Variants in EDA observed in about 807,000 individuals in gnomAD.
EDA encodes ectodysplasin A, also known as ectodysplasin-A.
EDA carries 2 observed loss-of-function variants against 23.6 expected under a neutral mutation model. That is an observed-to-expected ratio of 0.08 (90% confidence interval 0.03 to 0.27). EDA has a LOEUF of 0.27. Among genes scored for constraint, EDA ranks in the 10% least tolerant of loss-of-function variants. The pLI is 1.00. For synonymous variants in EDA, 131 were observed against 132.0 expected, an observed-to-expected ratio of 0.99 and a Z score of 0.05; for missense variants, 229 against 324.2, an observed-to-expected ratio of 0.71 and a Z score of 2.26.
intron 1 of EDA, chrX:69,616,927 T>G (rs1481410269): frequency 2.0e-5 from 9 of 460,154 alleles, no homozygotes; most frequent in Non-Finnish European, 2.9e-5. Flanking sequence ...TTGGAAAGTC[T>G]CGCGCGCGCC....
chrX:69,623,706 A>C, intron 1 of EDA, among the ~76,000 whole-genome samples: 1 of 75,500 alleles, frequency 1.3e-5, no homozygotes, highest in Non-Finnish European at 2.6e-5. Context: ...TACATACTTT[A>C]TTTTCAAAAA....
chrX:69,664,047 TG>T (rs1933599702), intron 1 of EDA, among the ~76,000 whole-genome samples: 1 of 112,228 alleles, frequency 8.9e-6, no homozygotes, highest in South Asian at 3.7e-4. Context: ...AAAAGGGACT[TG>T]CCTTGTGTCA....
At chrX:69,786,332 G>T (rs1206529781) in intron 1 of EDA, among the ~76,000 whole-genome samples, 3 of 108,117 alleles carry the variant, frequency 2.8e-5, no homozygotes, top group African/African-American at 1.0e-4. Context: ...CCTTCTGCTA[G>T]CTTTTGAATG....
rs1282313189 is a variant in EDA, at chrX:69,942,006, A to G, written c.397-15021A>G. On this transcript the variant is annotated intron_variant, in intron 1 of 7. Transcript: ENST00000374552. ...ATAATATCTTATAACCATTTATTTTAAACTGATGGCAACTTAACAATGATT... is the reference window on the plus strand; with the variant it reads ...ATAATATCTTATAACCATTTATTTTGAACTGATGGCAACTTAACAATGATT... Among the ~76,000 whole-genome samples, 2 of 111,474 alleles carry G rather than the reference A, an allele frequency of 1.8e-5. 1 individual carries two copies. The highest frequency in any genetic ancestry group is 3.8e-5 in the Non-Finnish European group (2 of 52,958).
chrX:69,752,669 T>A (rs1324367744), intron 1 of EDA, among the ~76,000 whole-genome samples: 1 of 112,205 alleles, frequency 8.9e-6, no homozygotes, highest in Admixed American at 9.4e-5. Flanking sequence ...CTCCTCTTTG[T>A]ACCTCTGGTA....
chrX:69,883,582 T>G (rs1319579505), intron 1 of EDA, among the ~76,000 whole-genome samples: 1 of 111,888 alleles, frequency 8.9e-6, no homozygotes, highest in Non-Finnish European at 1.9e-5. Flanking sequence ...TGATGGCCAG[T>G]GACTCCCAAT....
intron 1 of EDA, among the ~76,000 whole-genome samples, chrX:69,687,221 G>T (rs763000138): frequency 9.1e-6 from 1 of 109,944 alleles, no homozygotes; most frequent in South Asian, 3.8e-4. Context: ...ATCCTTTGGA[G>T]AAATGTATAT....
intron 1 of EDA, among the ~76,000 whole-genome samples, chrX:69,777,220 A>T (rs1208276682): frequency 9.1e-6 from 1 of 109,684 alleles, no homozygotes; most frequent in East Asian, 2.9e-4. Context: ...GAGGTTAAAC[A>T]TGCTGGTTTG....
chrX:69,949,237 A>G (rs2018878323), intron 1 of EDA, among the ~76,000 whole-genome samples: 1 of 112,324 alleles, frequency 8.9e-6, no homozygotes, highest in African/African-American at 3.2e-5. Flanking sequence ...TCATAAATAC[A>G]TTAACTCTGG....
intron 1 of EDA, among the ~76,000 whole-genome samples, chrX:69,682,530 GT>G (rs1037698756): frequency 3.6e-5 from 4 of 112,305 alleles, no homozygotes; most frequent in Admixed American, 2.8e-4. Context: ...CTCGTGCGCC[GT>G]TTTTTAAGCC....
chrX:69,652,936 G>C (rs1933152123), intron 1 of EDA, among the ~76,000 whole-genome samples: 1 of 111,485 alleles, frequency 9.0e-6, no homozygotes, highest in Admixed American at 9.6e-5. Context: ...TGTTCTTTTG[G>C]CTTAGGATTG....
At position 70,037,188 on chromosome X, in the gene EDA, G is replaced by A. The variant is rs748015519; in HGVS notation, c.*1579G>A. ...ATGTGTTTCCTTTTCAGGAGATGGG[G>A]AATAATTTCCTTCAGGCAGCTGAAA... On this transcript the variant is annotated 3_prime_UTR_variant, in exon 8 of 8. Coordinates refer to ENST00000374552, the MANE Select transcript of EDA (RefSeq NM_001399.5). The A allele has an allele frequency of 1.8e-5, 2 of 112,563 alleles. No homozygotes were observed. Among genetic ancestry groups the A allele is most frequent in the Admixed American group, 9.4e-5 (1 of 10,661 alleles). The allele number at this position is 112,563 out of a possible 1,213,427, so 9.3% of individuals were successfully genotyped here. A position where few individuals can be genotyped will look rare whatever the true frequency, so the allele number is the denominator to read the frequency against.
At chrX:69,954,221 T>G (rs1264164845) in intron 1 of EDA, among the ~76,000 whole-genome samples, 1 of 111,574 alleles carries the variant, frequency 9.0e-6, no homozygotes, top group East Asian at 2.8e-4. Flanking sequence ...AAGCTACTTA[T>G]AGTTCCAAAA....
At chrX:69,999,088 A>T (rs752863940) in intron 2 of EDA, among the ~76,000 whole-genome samples, 2 of 111,755 alleles carry the variant, frequency 1.8e-5, no homozygotes, top group South Asian at 7.6e-4. Flanking sequence ...TCTAGAGACA[A>T]TAACATTGGT....
At position 69,773,975 on chromosome X, in the gene EDA, A is replaced by G. The variant is rs183295330; in HGVS notation, c.396+157271A>G. Among the ~76,000 whole-genome samples the G allele has an allele frequency of 4.8e-3, 531 of 111,592 alleles. 3 individuals carry two copies. The highest frequency in any genetic ancestry group is 7.2e-3 in the Non-Finnish European group (381 of 53,064). On this transcript the variant is annotated intron_variant, in intron 1 of 7. Coordinates refer to ENST00000374552, the MANE Select transcript of EDA (RefSeq NM_001399.5). Reference sequence around the variant, plus strand: ...TGGGATGCAGTCAAGTTACTAGGAAACAGTTTAATTCCTTCAGGTATTGCT... The same window carrying G: ...TGGGATGCAGTCAAGTTACTAGGAAGCAGTTTAATTCCTTCAGGTATTGCT...
chrX:69,628,899 A>G (rs1420596329), intron 1 of EDA, among the ~76,000 whole-genome samples: 2 of 111,241 alleles, frequency 1.8e-5, no homozygotes, highest in Non-Finnish European at 3.8e-5. Flanking sequence ...CCTCCCAACA[A>G]TGAAAATCTG....
chrX:69,900,445 CAT>C (rs1443883701), intron 1 of EDA, among the ~76,000 whole-genome samples: 1 of 106,371 alleles, frequency 9.4e-6, no homozygotes, highest in Non-Finnish European at 1.9e-5. Context: ...TATTTTAATA[CAT>C]ATTTTATCAT....
chrX:69,648,496 C>T (rs1262593639), intron 1 of EDA, among the ~76,000 whole-genome samples: 5 of 112,552 alleles, frequency 4.4e-5, no homozygotes, highest in Non-Finnish European at 5.6e-5. Context: ...AGCTGTGCTG[C>T]GCTGTGGGGA....
At chrX:69,782,220 A>G (rs993276070) in intron 1 of EDA, among the ~76,000 whole-genome samples, 2 of 109,562 alleles carry the variant, frequency 1.8e-5, no homozygotes, top group African/African-American at 6.7e-5. Flanking sequence ...AGGACTATAC[A>G]TGAGGAGTGC....
Sources: allele counts gnomAD v4.1 joint callset (sites outside exome capture counted in the v4.1 genomes callset), GRCh38; gene constraint gnomAD v4.1.1; transcripts MANE v1.5; gene names NCBI Gene and HGNC (gene_info 2026-07-23, HGNC 2026-07-21).